FAM47E: variants seen among roughly 807,000 people sequenced by gnomAD.
FAM47E encodes family with sequence similarity 47 member E.
Under a neutral mutation model 41.6 loss-of-function variants are expected in FAM47E, and 32 were observed. The ratio of observed to expected loss-of-function variants is 0.77; its 90% CI spans 0.58 to 1.03. The LOEUF (loss-of-function observed/expected upper bound fraction) is 1.03, where lower values mean the gene tolerates loss of function less well. Ranked by LOEUF, FAM47E falls within the 50% of genes least tolerant of loss-of-function variation. The probability of loss-of-function intolerance (pLI) is 0.00; values close to 1 mark genes in which losing one functional copy is unlikely to be tolerated. For synonymous variants in FAM47E, 184 were observed against 188.7 expected, an observed-to-expected ratio of 0.98 and a Z score of 0.20; for missense variants, 424 against 485.4, an observed-to-expected ratio of 0.87 and a Z score of 1.19.
At chr4:76,238,531 T>C (rs372973279) in intron 2 of FAM47E, among the ~76,000 whole-genome samples, 7 of 152,080 alleles carry the variant, frequency 4.6e-5, no homozygotes, top group South Asian at 2.1e-4. Flanking sequence ...CTCAGCCCAG[T>C]GATCATCAAG....
intron 2 of FAM47E, among the ~76,000 whole-genome samples, chr4:76,261,807 C>T (rs1186872824): frequency 6.6e-6 from 1 of 151,982 alleles, no homozygotes; most frequent in Non-Finnish European, 1.5e-5. Flanking sequence ...TGCACATGTA[C>T]CCCCGAATCT....
chr4:76,278,788 C>T (rs4859441), intron 6 of FAM47E: 53,539 of 152,512 alleles, frequency 0.35, 10,178 homozygotes, highest in Admixed American at 0.41. Flanking sequence ...ACAGATAAAC[C>T]CTGCCTGCTC....
At chr4:76,257,737 G>T (rs1299897467) in intron 2 of FAM47E, among the ~76,000 whole-genome samples, 1 of 152,066 alleles carries the variant, frequency 6.6e-6, no homozygotes, top group South Asian at 2.1e-4. Context: ...TGATTGGAGA[G>T]GCCTGTATAA....
chr4:76,240,801 C>T (rs528841270), intron 2 of FAM47E, among the ~76,000 whole-genome samples: 24 of 152,226 alleles, frequency 1.6e-4, no homozygotes, highest in African/African-American at 5.5e-4. Context: ...TATGTTCATA[C>T]ATCATTTTCT....
At chr4:76,274,622 G>A (rs1001185649) in intron 5 of FAM47E, among the ~76,000 whole-genome samples, 1 of 152,140 alleles carries the variant, frequency 6.6e-6, no homozygotes, top group African/African-American at 2.4e-5. Context: ...GTAATGTGGG[G>A]TAATTATTCC....
At position 76,214,989 on chromosome 4, in the gene FAM47E, C is replaced by T. The variant is rs1408172489; in HGVS notation, c.-30+565C>T. Among the ~76,000 whole-genome samples, 7 of 152,196 alleles carry T rather than the reference C, an allele frequency of 4.6e-5. No individual in the cohort carries two copies. In the East Asian group the frequency reaches 1.3e-3, roughly 29 times the overall value. On this transcript the variant is annotated intron_variant, in intron 1 of 7. Transcript: ENST00000510197. The stretch of plus-strand genomic sequence containing the variant: ...CCATGTATAAAAAGTTCAGCAAGGC[C>T]ATTGGGGTGGGGAATCCTTTAGCCA...
At chr4:76,245,718 C>A (rs898932878) in intron 2 of FAM47E, among the ~76,000 whole-genome samples, 8 of 152,088 alleles carry the variant, frequency 5.3e-5, no homozygotes, top group African/African-American at 1.9e-4. Flanking sequence ...GCAATGTATC[C>A]CTACATCCCA....
intron 1 of FAM47E, 120 bp downstream of exon 1, chr4:76,251,940 A>G (rs1355221260): frequency 2.4e-6 from 3 of 1,246,892 alleles, no homozygotes; most frequent in South Asian, 2.0e-5. Context: ...TCCCTCCTCA[A>G]TGCTTCCTGT....
intron 2 of FAM47E, among the ~76,000 whole-genome samples, chr4:76,226,526 A>G (rs2174922): frequency 0.91 from 138,392 of 152,152 alleles, 64,324 homozygotes; most frequent in East Asian, 1. Context: ...TATGCCCTGG[A>G]TTTAGATTGT....
intron 2 of FAM47E, among the ~76,000 whole-genome samples, chr4:76,260,428 A>T (rs1734359946): frequency 1.3e-5 from 2 of 152,196 alleles, no homozygotes; most frequent in Admixed American, 6.5e-5. Context: ...CAACCAGCTG[A>T]TCTTTGACAA....
At chr4:76,265,414 T>C (rs972071674) in intron 3 of FAM47E, among the ~76,000 whole-genome samples, 1 of 152,184 alleles carries the variant, frequency 6.6e-6, no homozygotes, top group African/African-American at 2.4e-5. Context: ...CTGTTATCAG[T>C]GAAGGGGATA....
intron 2 of FAM47E, among the ~76,000 whole-genome samples, chr4:76,260,170 G>T (rs6813980): frequency 6.6e-6 from 1 of 151,866 alleles, no homozygotes; most frequent in Non-Finnish European, 1.5e-5. Context: ...TGCCATTCCT[G>T]TAAAATTACC....
chr4:76,260,475 A>C (rs529196622), intron 2 of FAM47E, among the ~76,000 whole-genome samples: 2 of 152,322 alleles, frequency 1.3e-5, no homozygotes, highest in South Asian at 2.1e-4. Context: ...AGGGCACCCT[A>C]TTCAATAAAT....
intron 6 of FAM47E, chr4:76,278,751 A>G (rs4859658): frequency 0.73 from 112,364 of 153,424 alleles, 41,622 homozygotes; most frequent in Middle Eastern, 0.84. Context: ...ACAAACACTC[A>G]CAACAAGGGT....
intron 7 of FAM47E, chr4:76,282,246 G>A (rs971760065): frequency 1.3e-5 from 2 of 152,184 alleles, no homozygotes; most frequent in African/African-American, 4.8e-5. Flanking sequence ...GAAACAGGAG[G>A]TGAAGCTAGA....
At chr4:76,262,785 C>G (rs919759953) in intron 2 of FAM47E, among the ~76,000 whole-genome samples, 8 of 152,058 alleles carry the variant, frequency 5.3e-5, no homozygotes, top group Non-Finnish European at 1.2e-4. Context: ...TTTTTTGAGA[C>G]AGGTTCTCAT....
intron 2 of FAM47E, 93 bp from the exon 3 acceptor site, chr4:76,263,611 A>C (rs1734508093): frequency 5.5e-6 from 8 of 1,459,824 alleles, no homozygotes; most frequent in Admixed American, 4.9e-5. Flanking sequence ...GAAAAGGAAA[A>C]GTGAAGGGCA....
intron 2 of FAM47E, among the ~76,000 whole-genome samples, chr4:76,240,681 A>G (rs1490744578): frequency 1.3e-5 from 2 of 152,018 alleles, no homozygotes; most frequent in South Asian, 2.1e-4. Context: ...TCTCTCTAGC[A>G]AGTTTTTTTA....
At chr4:76,246,866 T>TA (rs1443774715), upstream of FAM47E, among the ~76,000 whole-genome samples, 2 of 152,186 alleles carry the variant, frequency 1.3e-5, no homozygotes, top group African/African-American at 4.8e-5. Context: ...TCCAATTTGT[T>TA]AAGTTGGATT....
Sources: allele counts gnomAD v4.1 joint callset (sites outside exome capture counted in the v4.1 genomes callset), GRCh38; gene constraint gnomAD v4.1.1; transcripts MANE v1.5; gene names NCBI Gene and HGNC (gene_info 2026-07-23, HGNC 2026-07-21).